Variants in MAN2A1 observed in about 807,000 individuals in gnomAD.
MAN2A1 encodes alpha-mannosidase 2.
In MAN2A1, 76 loss-of-function variants were observed where a neutral mutation model predicts 142.6. The ratio of observed to expected loss-of-function variants is 0.53; its 90% CI spans 0.44 to 0.65. The LOEUF is 0.65. Among genes scored for constraint, MAN2A1 ranks in the 30% least tolerant of loss-of-function variants. The pLI, the probability that MAN2A1 is intolerant of heterozygous loss-of-function variation, is 0.00. For missense variants in MAN2A1, 1,311 were observed against 1,365.1 expected (o/e 0.96, Z 0.62); for synonymous variants, 559 against 473.2 (o/e 1.18, Z -2.35).
rs1208091442 is a variant in MAN2A1, at chr5:109,855,256, G to A, written c.3093G>A (p.Leu1031=). ...AGTTCTCCTCACCTACCCTTGAGCTGCAAGGTGAATTCTCTCCATTACAGT... is the reference window on the plus strand; with the variant it reads ...AGTTCTCCTCACCTACCCTTGAGCTACAAGGTGAATTCTCTCCATTACAGT... ...ANKFSSPTLE[L]QGEFSPLQSS... The change falls in exon 20 of 22, where the codon CTG becomes CTA. Residue 1031 remains leucine, a synonymous_variant. Transcript: ENST00000261483. The A allele has an allele frequency of 5.0e-6, 8 of 1,607,190 alleles. No individual in the cohort carries two copies. Among genetic ancestry groups the A allele is most frequent in the Non-Finnish European group, 6.8e-6 (8 of 1,177,454 alleles).
At chr5:109,864,788 G>A in intron 20 of MAN2A1, 2 of 436,744 alleles carry the variant, frequency 4.6e-6, no homozygotes, top group South Asian at 4.4e-5. Context: ...GATTATAGGG[G>A]AAACCAAGGC....
At chr5:109,810,176 A>G (rs1354083561) in intron 12 of MAN2A1, among the ~76,000 whole-genome samples, 1 of 151,766 alleles carries the variant, frequency 6.6e-6, no homozygotes, top group African/African-American at 2.4e-5. Context: ...GCTAACTTCA[A>G]TATCTGGGTC....
chr5:109,735,988 C>G (rs919918930), intron 4 of MAN2A1, among the ~76,000 whole-genome samples: 5 of 147,218 alleles, frequency 3.4e-5, no homozygotes, highest in African/African-American at 1.0e-4. Flanking sequence ...AATTAACTAC[C>G]TCATCCAAAG....
chr5:109,823,729 G>A lies in MAN2A1; in HGVS notation c.2458G>A (p.Val820Ile). Residue 820 changes from valine to isoleucine, a missense_variant, in exon 16 of 22, where the codon GTT becomes ATT. This residue lies in a region of MAN2A1 where 890 missense variants were observed against 920.5 expected (regional missense o/e 0.97). Transcript: ENST00000261483. ...FLPDGNAKPY[V>I]YTTPPFVRVT... is the part of the protein sequence containing the mutation. ...TATATTATTTTCTTTTCAGCCTTATGTTTACACAACACCGCCCTTTGTCAG... is the reference window on the plus strand; with the variant it reads ...TATATTATTTTCTTTTCAGCCTTATATTTACACAACACCGCCCTTTGTCAG... 2 of 1,574,420 alleles carry A rather than the reference G, an allele frequency of 1.3e-6. No homozygotes were observed. Among genetic ancestry groups the A allele is most frequent in the Non-Finnish European group, 8.7e-7 (1 of 1,147,688 alleles).
chr5:109,741,382 A>G (rs1340605427), intron 4 of MAN2A1, among the ~76,000 whole-genome samples: 6 of 152,164 alleles, frequency 3.9e-5, no homozygotes, highest in Admixed American at 3.9e-4. Flanking sequence ...GCTTAAATGT[A>G]TGTTTTTGGA....
At chr5:109,824,271 A>G (rs1162281079) in intron 16 of MAN2A1, among the ~76,000 whole-genome samples, 1 of 152,194 alleles carries the variant, frequency 6.6e-6, no homozygotes, top group African/African-American at 2.4e-5. Context: ...AGCTGGTTCT[A>G]TTTGTTTACA....
chr5:109,806,956 A>G (rs548822440), intron 12 of MAN2A1, among the ~76,000 whole-genome samples: 1 of 152,340 alleles, frequency 6.6e-6, no homozygotes, highest in African/African-American at 2.4e-5. Context: ...TATATTAGGA[A>G]GATAGGGTAG....
At chr5:109,846,089 A>G (rs1470217379) in intron 18 of MAN2A1, 83 bp downstream of exon 18, 1 of 1,236,816 alleles carries the variant, frequency 8.1e-7, no homozygotes, top group Non-Finnish European at 1.1e-6. Context: ...ATGTGGTATA[A>G]TCTCTAGTTA....
At chr5:109,776,652 A>G (rs902937065) in intron 8 of MAN2A1, among the ~76,000 whole-genome samples, 2 of 152,252 alleles carry the variant, frequency 1.3e-5, no homozygotes, top group African/African-American at 2.4e-5. Context: ...TGGACAAACC[A>G]TAAGTGTGCA....
chr5:109,841,436 G>A (rs1015276649), intron 16 of MAN2A1, among the ~76,000 whole-genome samples: 1 of 152,042 alleles, frequency 6.6e-6, no homozygotes, highest in Non-Finnish European at 1.5e-5. Flanking sequence ...TAGAATAATA[G>A]TCTCCAGTCT....
intron 4 of MAN2A1, among the ~76,000 whole-genome samples, chr5:109,746,393 T>C (rs1284975491): frequency 6.6e-6 from 1 of 152,180 alleles, no homozygotes; most frequent in African/African-American, 2.4e-5. Context: ...GGATACACAA[T>C]GAAAAGTAAG....
Position 109,869,130 on chromosome 5 carries a change from CAG to C in MAN2A1, c.*2137_*2138del, listed in dbSNP as rs1198329287. ...CTTTTAGAATAAATCATCAGGGAAA[CAG>C]AGAGGATGCTTTGCTTTGGGTTGTA... On this transcript the variant is annotated 3_prime_UTR_variant, in exon 22 of 22. Transcript: ENST00000261483. The C allele has an allele frequency of 6.6e-6, 1 of 152,122 alleles. No individual in the cohort carries two copies. Among genetic ancestry groups the C allele is most frequent in the Non-Finnish European group, 1.5e-5 (1 of 68,014 alleles). The allele number at this position is 152,122 out of a possible 1,614,324, so 9.4% of individuals were successfully genotyped here.
chr5:109,792,880 C>G (rs1753769753), intron 12 of MAN2A1, among the ~76,000 whole-genome samples: 1 of 152,004 alleles, frequency 6.6e-6, no homozygotes, highest in African/African-American at 2.4e-5. Flanking sequence ...TGGCTGGTTC[C>G]AAGGGGGAGT....
intron 5 of MAN2A1, among the ~76,000 whole-genome samples, chr5:109,757,351 TA>T (rs1752715766): frequency 6.6e-6 from 1 of 152,212 alleles, no homozygotes; most frequent in Admixed American, 6.5e-5. Context: ...ATATAAATCT[TA>T]AATGTAGAGG....
At chr5:109,706,237 A>G (rs1055467805) in intron 1 of MAN2A1, among the ~76,000 whole-genome samples, 1 of 152,240 alleles carries the variant, frequency 6.6e-6, no homozygotes, top group Non-Finnish European at 1.5e-5. Flanking sequence ...TTACATAGCC[A>G]GTAAGTAGTG....
At chr5:109,789,712 G>A (rs904201159) in intron 12 of MAN2A1, among the ~76,000 whole-genome samples, 185 bp downstream of exon 12, 2 of 151,714 alleles carry the variant, frequency 1.3e-5, no homozygotes, top group South Asian at 4.1e-4. Flanking sequence ...ACAGTGCTTA[G>A]TATATTGACT....
chr5:109,692,403 G>A (rs1750695809), intron 1 of MAN2A1, among the ~76,000 whole-genome samples: 1 of 152,106 alleles, frequency 6.6e-6, no homozygotes, highest in African/African-American at 2.4e-5. Context: ...CAGAAAGAAG[G>A]TATTCTTTAA....
intron 15 of MAN2A1, among the ~76,000 whole-genome samples, chr5:109,821,740 C>A: frequency 6.6e-6 from 1 of 152,046 alleles, no homozygotes; most frequent in East Asian, 1.9e-4. Flanking sequence ...TATTCTTTGA[C>A]TGTTTTTCTG....
chr5:109,854,124 T>G (rs1755549578), intron 19 of MAN2A1: 1 of 152,208 alleles, frequency 6.6e-6, no homozygotes, highest in African/African-American at 2.4e-5. Flanking sequence ...ACAAAAAGGA[T>G]GCAAAATCAG....
Sources: allele counts gnomAD v4.1 joint callset (sites outside exome capture counted in the v4.1 genomes callset), GRCh38; gene constraint gnomAD v4.1.1; regional missense constraint gnomAD v4.1.1; transcripts MANE v1.5; gene names NCBI Gene and HGNC (gene_info 2026-07-23, HGNC 2026-07-21).